PPP1R9B: variants seen among roughly 807,000 people sequenced by gnomAD.
PPP1R9B encodes the protein neurabin-2.
A neutral mutation model predicts 75.8 loss-of-function variants in PPP1R9B; 17 were observed. The observed-to-expected ratio is 0.22, with a 90% confidence interval of 0.15 to 0.34. The LOEUF (loss-of-function observed/expected upper bound fraction) is 0.34. Among genes scored for constraint, PPP1R9B ranks in the 10% least tolerant of loss-of-function variants. The probability of loss-of-function intolerance (pLI) is 1.00; values close to 1 mark genes in which losing one functional copy is unlikely to be tolerated. For missense variants in PPP1R9B, 875 were observed against 1,196.0 expected (o/e 0.73, Z 3.96); for synonymous variants, 509 against 535.4 (o/e 0.95, Z 0.68).
In PPP1R9B at chr17:50,136,140, G is replaced by C. The variant is rs780761514; in HGVS notation, c.2131C>G (p.Gln711Glu). The C allele has an allele frequency of 3.7e-6, 6 of 1,606,024 alleles. No homozygotes were observed. Among genetic ancestry groups the C allele is most frequent in the East Asian group, 2.2e-5 (1 of 44,882 alleles). The change falls in exon 8 of 10, where the codon CAG becomes GAG. Residue 711 changes from glutamine (Q) to glutamate (E), a missense_variant. Coordinates refer to ENST00000612501, the MANE Select transcript of PPP1R9B (RefSeq NM_032595.5). ...CGCTCCTTGTTCTCCTCCACACTCT[G>C]CTCCAACTGCGCCTTCTCCACCCGC... ...RWRVEKAQLE[Q>E]SVEENKERME...
rs1912664159 is a variant in PPP1R9B, at chr17:50,150,371, T to C, written c.143A>G (p.Lys48Arg). ...PDEAPKGAHH[K>R]KYGSNVHRIK... ...GCGGTGGACGTTGGAGCCATATTTC[T>C]TGTGGTGGGCCCCCTTGGGTGCCTC... The change falls in exon 1 of 10, where the codon AAG becomes AGG. Residue 48 changes from lysine (K) to arginine (R), a missense_variant. Transcript: ENST00000612501. This position sits in a 1 kb window ranked among gnomAD's most constrained non-coding sequence, Gnocchi z 8.7. The C allele has an allele frequency of 7.0e-7, 1 of 1,423,306 alleles. No individual in the cohort carries two copies. 88.2% of individuals were successfully genotyped at this position (1,423,306 alleles called of 1,614,324 possible).
chr17:50,144,430 A>AC (rs1312564016), intron 2 of PPP1R9B, among the ~76,000 whole-genome samples: 1 of 151,760 alleles, frequency 6.6e-6, no homozygotes, highest in Non-Finnish European at 1.5e-5. Flanking sequence ...TCCACTTGTG[A>AC]CCCCCTCCCT....
Position 50,150,399 on chromosome 17 carries a change from C to T in PPP1R9B, c.115G>A (p.Asp39Asn). Residue 39 changes from aspartate to asparagine, a missense_variant, in exon 1 of 10, where the codon GAC (aspartate) becomes AAC (asparagine). Physicochemically the swap from Asp to Asn is conservative, Grantham distance 23. This residue lies in a region of PPP1R9B where 145 missense variants were observed against 226.1 expected (regional missense o/e 0.64). Coordinates refer to ENST00000612501, the MANE Select transcript of PPP1R9B (RefSeq NM_032595.5). The surrounding 1 kb of genome is among the most constrained non-coding windows in gnomAD (Gnocchi z 8.7). ...ALKPPDAPGP[D>N]EAPKGAHHKK... Reference sequence around the variant, plus strand: ...TGGTGGGCCCCCTTGGGTGCCTCGTCGGGCCCGGGCGCGTCGGGCGGCTTC... The same window carrying T: ...TGGTGGGCCCCCTTGGGTGCCTCGTTGGGCCCGGGCGCGTCGGGCGGCTTC... 2 of 1,400,644 alleles carry T rather than the reference C, an allele frequency of 1.4e-6. No individual in the cohort carries two copies. The highest frequency in any genetic ancestry group is 1.6e-5 in the South Asian group (1 of 64,086). The allele number at this position is 1,400,644 out of a possible 1,614,324, so 86.8% of individuals were successfully genotyped here.
rs1369276759 is a variant in PPP1R9B, at chr17:50,142,895, C to T, written c.1625+703G>A. On this transcript the variant is annotated intron_variant, in intron 3 of 9. Coordinates refer to ENST00000612501, the MANE Select transcript of PPP1R9B (RefSeq NM_032595.5). The surrounding 1 kb of genome is among the most constrained non-coding windows in gnomAD (Gnocchi z 4.1). ...CCACTGCCATCAATGGGTCTAGTCA[C>T]AGCCTCCTGGCCCCTGCTCTCTATG... 2.0e-5 allele frequency among the ~76,000 whole-genome samples: 3 copies of T among 152,202 alleles called. No individual in the cohort carries two copies. In the East Asian group the frequency reaches 5.8e-4, roughly 29 times the overall value.
At chr17:50,136,258 C>G in intron 7 of PPP1R9B, 61 bp from the exon 8 acceptor site, 1 of 1,419,974 alleles carries the variant, frequency 7.0e-7, no homozygotes, top group Non-Finnish European at 9.6e-7. Context: ...AGGGTACCCC[C>G]ATCCTAGCAC....
Position 50,149,818 on chromosome 17 carries a change from C to G in PPP1R9B, c.696G>C (p.Arg232Ser), listed in dbSNP as rs1356959149. 1 of 1,448,070 alleles carries G rather than the reference C, an allele frequency of 6.9e-7. No individual in the cohort carries two copies. The highest frequency in any genetic ancestry group is 1.4e-5 in the South Asian group (1 of 72,490). The allele number at this position is 1,448,070 out of a possible 1,614,324, so 89.7% of individuals were successfully genotyped here. The change falls in exon 1 of 10, where the codon AGG (arginine) becomes AGC (serine). Residue 232 changes from arginine to serine, a missense_variant. Arg to Ser is a moderately radical substitution (Grantham distance 110). Around this residue, in one of 4 missense-constraint regions of PPP1R9B, gnomAD observed 449 missense variants for 475.0 expected, o/e 0.95. Transcript: ENST00000612501. The surrounding 1 kb of genome is among the most constrained non-coding windows in gnomAD (Gnocchi z 7.2). ...AGTTGACCTGGGGAACCCCTGCGGC[C>G]CTGGGGAGCCCGGGCCCGCGGTGGA... ...TGLHRGPGLP[R>S]AAGVPQVNSK... is the part of the protein sequence containing the mutation.
At chr17:50,146,730 G>A (rs1371347242) in intron 1 of PPP1R9B, among the ~76,000 whole-genome samples, 2 of 152,220 alleles carry the variant, frequency 1.3e-5, no homozygotes, top group African/African-American at 4.8e-5. Context: ...CGAACAAACA[G>A]GCTGCCTACC....
At chr17:50,138,532 C>A (rs536177812) in intron 7 of PPP1R9B, among the ~76,000 whole-genome samples, 53 of 152,158 alleles carry the variant, frequency 3.5e-4, no homozygotes, top group African/African-American at 1.2e-3. Context: ...ATCAATGGGC[C>A]TATATATAGC....
chr17:50,149,848 G>T lies in PPP1R9B; in HGVS notation c.666C>A (p.Thr222=), dbSNP rs1270767170. The change falls in exon 1 of 10, where the codon ACC becomes ACA. Residue 222 remains threonine, a synonymous_variant. Transcript: ENST00000612501. The surrounding 1 kb of genome is among the most constrained non-coding windows in gnomAD (Gnocchi z 7.2). ...GGAGCCCGGGCCCGCGGTGGAGGCC[G>T]GTCCTCGAGTCGGCCTTCTCGAAGA... ...SAVFEKADSR[T]GLHRGPGLPR... 6.8e-6 allele frequency: 10 copies of T among 1,479,472 alleles called. No homozygotes were observed. Among genetic ancestry groups the T allele is most frequent in the South Asian group, 1.3e-5 (1 of 78,038 alleles). The allele number at this position is 1,479,472 out of a possible 1,614,324, so 91.6% of individuals were successfully genotyped here.
chr17:50,140,338 A>G (rs1912342470), intron 4 of PPP1R9B, 110 bp from the exon 5 acceptor site: 1 of 1,360,986 alleles, frequency 7.3e-7, no homozygotes, highest in Non-Finnish European at 9.9e-7. Context: ...GGGAGGAGAG[A>G]TGAGAGGGCT....
At position 50,150,170 on chromosome 17, in the gene PPP1R9B, G is replaced by A; in HGVS notation, c.344C>T (p.Thr115Ile). ...GCGGCTCACGCGCTCCGACACGCTG[G>A]TGCCCAGCTTCAGCAGGGCGCTGTG... ...VDHSALLKLG[T>I]SVSERVSRFD... The change falls in exon 1 of 10, where the codon ACC (threonine) becomes ATC (isoleucine). Residue 115 changes from threonine (T) to isoleucine (I), a missense_variant. This residue lies in a region of PPP1R9B where 145 missense variants were observed against 226.1 expected (regional missense o/e 0.64). Transcript: ENST00000612501. This position sits in a 1 kb window ranked among gnomAD's most constrained non-coding sequence, Gnocchi z 8.7. The A allele has an allele frequency of 6.9e-7, 1 of 1,454,268 alleles. No individual in the cohort carries two copies. The highest frequency in any genetic ancestry group is 1.3e-5 in the South Asian group (1 of 75,638). 90.1% of individuals were successfully genotyped at this position (1,454,268 alleles called of 1,614,324 possible).
chr17:50,149,697 G>A lies in PPP1R9B; in HGVS notation c.817C>T (p.Pro273Ser). 2 of 1,423,828 alleles carry A rather than the reference G, an allele frequency of 1.4e-6. No homozygotes were observed. The highest frequency in any genetic ancestry group is 1.8e-6 in the Non-Finnish European group (2 of 1,097,144). 88.2% of individuals were successfully genotyped at this position (1,423,828 alleles called of 1,614,324 possible). The change falls in exon 1 of 10, where the codon CCC (proline) becomes TCC (serine). Residue 273 changes from proline (P) to serine (S), a missense_variant. This residue lies in a region of PPP1R9B where 449 missense variants were observed against 475.0 expected (regional missense o/e 0.95). Coordinates refer to ENST00000612501, the MANE Select transcript of PPP1R9B (RefSeq NM_032595.5). This position sits in a 1 kb window ranked among gnomAD's most constrained non-coding sequence, Gnocchi z 7.2. Reference sequence around the variant, plus strand: ...TGCTGCGGGGGCTGCTGCCCTGCGGGGCATCGCTCTTTCTCGGCCGGGGCA... The same window carrying A: ...TGCTGCGGGGGCTGCTGCCCTGCGGAGCATCGCTCTTTCTCGGCCGGGGCA... ...GDAPAEKERC[P>S]AGQQPPQHRV... is the part of the protein sequence containing the mutation.
intron 2 of PPP1R9B, 44 bp from the exon 3 acceptor site, chr17:50,143,762 A>G: frequency 6.2e-7 from 1 of 1,608,238 alleles, no homozygotes; most frequent in Non-Finnish European, 8.5e-7. Flanking sequence ...TGTAGGGGAC[A>G]GACGAGAGAC....
In PPP1R9B at chr17:50,139,899, G is replaced by A. The variant is rs150019261; in HGVS notation, c.1866+194C>T. ...CAAGATTAGGGGCTATGCTCTCCCCGCAGACTGGGGGCTCTTTGAGAGGAC... is the reference window on the plus strand; with the variant it reads ...CAAGATTAGGGGCTATGCTCTCCCCACAGACTGGGGGCTCTTTGAGAGGAC... On this transcript the variant is annotated intron_variant, in intron 5 of 9. Transcript: ENST00000612501. This position sits in a 1 kb window ranked among gnomAD's most constrained non-coding sequence, Gnocchi z 5.0. Among the ~76,000 whole-genome samples, 42 of 152,242 alleles carry A rather than the reference G, an allele frequency of 2.8e-4. No individual in the cohort carries two copies. In the East Asian group the frequency reaches 6.2e-3, roughly 22 times the overall value.
At chr17:50,145,878 T>G (rs1206458401) in intron 1 of PPP1R9B, 1 of 153,140 alleles carries the variant, frequency 6.5e-6, no homozygotes, top group East Asian at 1.9e-4. Flanking sequence ...TCTATCCCCG[T>G]GGAGAAGAGG....
At chr17:50,135,783 C>T in intron 8 of PPP1R9B, 134 bp from the exon 9 acceptor site, 1 of 932,614 alleles carries the variant, frequency 1.1e-6, no homozygotes, top group Non-Finnish European at 1.6e-6. Context: ...CCAGGTTTTC[C>T]CAAAGCCTCT....
intron 8 of PPP1R9B, 85 bp downstream of exon 8, chr17:50,135,883 C>A: frequency 8.8e-7 from 1 of 1,138,438 alleles, no homozygotes; most frequent in Non-Finnish European, 1.2e-6. Flanking sequence ...TGCCTCCCTA[C>A]TCAGCTGGAG....
In PPP1R9B at chr17:50,150,533, G is replaced by T. The variant is rs1455584867; in HGVS notation, c.-20C>A. On this transcript the variant is annotated 5_prime_UTR_variant, in exon 1 of 10. Transcript: ENST00000612501. This position sits in a 1 kb window ranked among gnomAD's most constrained non-coding sequence, Gnocchi z 8.7. ...CATCATGGTGGGGGGAGCCGGGTTC[G>T]CATGCCCCTGCTCCCCGCTCCCCCG... The T allele has an allele frequency of 2.4e-5, 31 of 1,312,706 alleles. No homozygotes were observed. The highest frequency in any genetic ancestry group is 4.1e-5 in the Admixed American group (1 of 24,236). The allele number at this position is 1,312,706 out of a possible 1,614,324, so 81.3% of individuals were successfully genotyped here. A position where few individuals can be genotyped will look rare whatever the true frequency, so the allele number is the denominator to read the frequency against.
At chr17:50,137,694 GC>G (rs1297369246) in intron 7 of PPP1R9B, among the ~76,000 whole-genome samples, 3 of 152,076 alleles carry the variant, frequency 2.0e-5, no homozygotes, top group African/African-American at 7.2e-5. Context: ...AATCCCAATG[GC>G]CACATACCCC....
Sources: allele counts gnomAD v4.1 joint callset (sites outside exome capture counted in the v4.1 genomes callset), GRCh38; gene constraint gnomAD v4.1.1; regional missense constraint gnomAD v4.1.1; non-coding constraint Gnocchi (gnomAD v3.1); transcripts MANE v1.5; gene names NCBI Gene and HGNC (gene_info 2026-07-23, HGNC 2026-07-21).